Variants in MYH14 observed in about 807,000 individuals in gnomAD.
MYH14 encodes the protein myosin-14.
MYH14 carries 123 observed loss-of-function variants against 255.5 expected under a neutral mutation model. That is an observed-to-expected ratio of 0.48 (90% CI 0.42 to 0.56). The LOEUF (loss-of-function observed/expected upper bound fraction) is 0.56. Ranked by LOEUF, MYH14 falls within the 20% of genes least tolerant of loss-of-function variation. MYH14 has a pLI of 0.00. For missense variants in MYH14, 2,423 were observed against 2,802.3 expected, an observed-to-expected ratio of 0.86 and a Z score of 3.06; for synonymous variants, 1,095 against 1,161.2, an observed-to-expected ratio of 0.94 and a Z score of 1.16.
intron 40 of MYH14, among the ~76,000 whole-genome samples, chr19:50,303,539 T>C (rs184894905): frequency 3.7e-4 from 56 of 152,296 alleles, no homozygotes; most frequent in African/African-American, 1.3e-3. Context: ...AATGGGGAAA[T>C]AGATATGACT....
At chr19:50,275,841 G>A (rs2035483269) in intron 27 of MYH14, 150 bp from the exon 28 acceptor site, 11 of 637,834 alleles carry the variant, frequency 1.7e-5, no homozygotes, top group Non-Finnish European at 2.5e-5. Flanking sequence ...ACTTAAATTA[G>A]TACTGCAGCC....
intron 3 of MYH14, among the ~76,000 whole-genome samples, chr19:50,219,139 C>T (rs2032669955): frequency 6.9e-6 from 1 of 144,044 alleles, no homozygotes; most frequent in Non-Finnish European, 1.5e-5. Context: ...TGTATACACA[C>T]CATGGAATAC....
intron 11 of MYH14, 102 bp downstream of exon 11, chr19:50,244,439 C>G: frequency 1.2e-6 from 1 of 859,374 alleles, no homozygotes; most frequent in Non-Finnish European, 1.9e-6. Flanking sequence ...CCCCTTCCAG[C>G]CACACCTGTC....
Position 50,289,570 on chromosome 19 carries a change from T to C in MYH14, c.4887T>C (p.Ala1629=), listed in dbSNP as rs2035999166. The C allele has an allele frequency of 1.2e-6, 2 of 1,612,850 alleles. No individual in the cohort carries two copies. Among genetic ancestry groups the C allele is most frequent in the African/African-American group, 1.3e-5 (1 of 74,870 alleles). ...TGCGTCTGGAGGTGACTGTGCAGGC[T>C]CTCAAGACTCAGCATGAGCGTGACC... ...AKLRLEVTVQ[A]LKTQHERDLQ... The change falls in exon 35 of 43, where the codon GCT becomes GCC. Residue 1629 remains alanine (A), a synonymous_variant. Transcript: ENST00000642316.
chr19:50,259,225 G>T lies in MYH14; in HGVS notation c.2314G>T (p.Gly772Cys), dbSNP rs377673096. Reference protein sequence around the residue: ...VLEGIRICRQGFPNRILFQEF... With the variant: ...VLEGIRICRQCFPNRILFQEF... ...GGAGGGCATCCGCATCTGTCGCCAG[G>T]GCTTCCCCAACCGCATCCTCTTCCA... is the stretch of plus-strand genomic sequence containing the variant. Residue 772 changes from glycine (G) to cysteine (C), a missense_variant, in exon 19 of 43, where the codon GGC (glycine) becomes TGC (cysteine). By Grantham distance (159) the Gly-to-Cys change is radical. This residue lies in a region of MYH14 where 672 missense variants were observed against 881.8 expected (regional missense o/e 0.76). Transcript: ENST00000642316. 1 of 1,589,420 alleles carries T rather than the reference G, an allele frequency of 6.3e-7. No individual in the cohort carries two copies. The highest frequency in any genetic ancestry group is 8.6e-7 in the Non-Finnish European group (1 of 1,167,444).
chr19:50,289,889 C>CAAACCATCTTCCTCCCACA (rs2036014665), intron 35 of MYH14, among the ~76,000 whole-genome samples: 1 of 152,112 alleles, frequency 6.6e-6, no homozygotes. Context: ...TCGTGCCAGC[C>CAAACCATCTTCCTCCCACA]AAACCATCTT....
intron 23 of MYH14, 113 bp downstream of exon 23, chr19:50,267,121 C>T (rs950459393): frequency 5.5e-6 from 6 of 1,083,564 alleles, no homozygotes; most frequent in Non-Finnish European, 7.9e-6. Context: ...TGTGCCCAGG[C>T]AGGGCTGTCG....
rs567859860 is a variant in MYH14 at position 50,275,665 on chromosome 19, G to A, written c.3468-326G>A. Among the ~76,000 whole-genome samples the A allele has an allele frequency of 1.5e-4, 23 of 152,180 alleles. No individual in the cohort carries two copies. The East Asian group carries it at 4.4e-3, about 29-fold the overall frequency. The stretch of plus-strand genomic sequence containing the variant: ...CAACATAGGCAGACCTTGTCTCTTT[G>A]GGGAAAAAAGATTAGCCAGGCATAG... On this transcript the variant is annotated intron_variant, in intron 27 of 42. Transcript: ENST00000642316.
rs1367494690 is a variant in MYH14, at chr19:50,251,561, C to G, written c.1830+873C>G. ...ACACACACACACACACACACACACA[C>G]ACACACACATATATATATGTATTTT... is the stretch of plus-strand genomic sequence containing the variant. On this transcript the variant is annotated intron_variant, in intron 15 of 42. Coordinates refer to ENST00000642316, the MANE Select transcript of MYH14 (RefSeq NM_001145809.2). Among the ~76,000 whole-genome samples, 24 of 100,882 alleles carry G rather than the reference C, an allele frequency of 2.4e-4. No individual in the cohort carries two copies. The South Asian group carries it at 7.4e-3, about 31-fold the overall frequency. The allele number at this position is 100,882 out of a possible 152,430, so 66.2% of individuals were successfully genotyped here.
chr19:50,223,305 C>T lies in MYH14; in HGVS notation c.649C>T (p.His217Tyr). Residue 217 changes from histidine (H) to tyrosine (Y), a missense_variant, in exon 5 of 43, where the codon CAC (histidine) becomes TAC (tyrosine). Physicochemically the swap from His to Tyr is moderately conservative, Grantham distance 83. Around this residue, in one of 3 missense-constraint regions of MYH14, gnomAD observed 672 missense variants for 881.8 expected, o/e 0.76. Coordinates refer to ENST00000642316, the MANE Select transcript of MYH14 (RefSeq NM_001145809.2). ...NTKKVIQYLA[H>Y]VASSPKGRKE... is the part of the protein sequence containing the mutation. The stretch of plus-strand genomic sequence containing the variant: ...CAAGAAGGTCATCCAGTACCTCGCC[C>T]ACGTGGCGTCGTCTCCAAAGGGCAG... The T allele has an allele frequency of 2.5e-6, 4 of 1,600,006 alleles. No individual in the cohort carries two copies. The highest frequency in any genetic ancestry group is 3.4e-6 in the Non-Finnish European group (4 of 1,173,292).
In MYH14 at chr19:50,244,585, A is replaced by G. The variant is rs598621; in HGVS notation, c.1210+248A>G. ...TGCAAGCTCCGCCTCCCGGGTTCAC[A>G]CCATTCTCCTGCCTCAGCCTCCTGA... On this transcript the variant is annotated intron_variant, in intron 11 of 42. Coordinates refer to ENST00000642316, the MANE Select transcript of MYH14 (RefSeq NM_001145809.2). 0.8 allele frequency among the ~76,000 whole-genome samples: 119,388 copies of G among 150,040 alleles called. 47,746 individuals are homozygous for G. Among genetic ancestry groups the G allele is most frequent in the Admixed American group, 0.85 (12,716 of 15,038 alleles).
rs1246870851 is a variant in MYH14, at chr19:50,230,552, G to A, written c.902G>A (p.Arg301His). ...CTGCTGGAGAAGTCGCGGGCCATCC[G>A]CCAGGCCAAGGACGAGTGCAGCTTC... ...TYLLEKSRAIRQAKDECSFHI... is the reference protein window; with the variant it reads ...TYLLEKSRAIHQAKDECSFHI... The change falls in exon 9 of 43, where the codon CGC becomes CAC. Residue 301 changes from arginine to histidine, a missense_variant. Physicochemically the swap from Arg to His is conservative, Grantham distance 29. Transcript: ENST00000642316. This position sits in a 1 kb window ranked among gnomAD's most constrained non-coding sequence, Gnocchi z 4.7. 2 of 1,568,540 alleles carry A rather than the reference G, an allele frequency of 1.3e-6. No individual in the cohort carries two copies. The highest frequency in any genetic ancestry group is 1.7e-6 in the Non-Finnish European group (2 of 1,157,284).
intron 2 of MYH14, 86 bp from the exon 3 acceptor site, chr19:50,217,529 C>T (rs546150088): frequency 2.1e-6 from 3 of 1,451,878 alleles, no homozygotes; most frequent in African/African-American, 1.4e-5. Context: ...TGCCCTTGTG[C>T]AGTGCACGGC....
At chr19:50,258,427 G>GA (rs1232215641) in intron 18 of MYH14, 2 of 151,932 alleles carry the variant, frequency 1.3e-5, no homozygotes, top group Non-Finnish European at 1.5e-5. Context: ...CATTACTGTT[G>GA]AAAAGAGAAA....
In MYH14 at chr19:50,252,915, G is replaced by T. The variant is rs1372466908; in HGVS notation, c.1945+162G>T. Among the ~76,000 whole-genome samples, 30 of 152,210 alleles carry T rather than the reference G, an allele frequency of 2.0e-4. No homozygotes were observed. The highest frequency in any genetic ancestry group is 1.8e-3 in the Admixed American group (28 of 15,270). On this transcript the variant is annotated intron_variant, in intron 16 of 42. Transcript: ENST00000642316. The surrounding 1 kb of genome is among the most constrained non-coding windows in gnomAD (Gnocchi z 4.2). ...CAAATAGTATTTCAAATCAGTGATG[G>T]ATGGATCCATAGATTAATTGATTGA...
intron 40 of MYH14, among the ~76,000 whole-genome samples, chr19:50,303,648 G>T (rs1231991458): frequency 6.6e-6 from 1 of 152,200 alleles, no homozygotes; most frequent in African/African-American, 2.4e-5. Context: ...GCACAAAGAG[G>T]AATGTCTTTT....
In MYH14 at chr19:50,276,964, T is replaced by G; in HGVS notation, c.3825+63T>G. The G allele has an allele frequency of 1.5e-6, 2 of 1,352,082 alleles. No homozygotes were observed. The highest frequency in any genetic ancestry group is 2.0e-6 in the Non-Finnish European group (2 of 978,268). 83.8% of individuals were successfully genotyped at this position (1,352,082 alleles called of 1,614,324 possible). A position where few individuals can be genotyped will look rare whatever the true frequency, so the allele number is the denominator to read the frequency against. ...GGGAGGGCAGGGCAGGACGCGGGGT[T>G]GGAGGAGGTACCGCTGGCTGGTTCT... On this transcript the variant is annotated intron_variant, in intron 29 of 42. Coordinates refer to ENST00000642316, the MANE Select transcript of MYH14 (RefSeq NM_001145809.2). This position sits in a 1 kb window ranked among gnomAD's most constrained non-coding sequence, Gnocchi z 4.3.
intron 18 of MYH14, 89 bp downstream of exon 18, chr19:50,257,575 G>A (rs745858434): frequency 4.6e-6 from 6 of 1,294,212 alleles, no homozygotes; most frequent in African/African-American, 1.5e-5. Context: ...CATCTGATTC[G>A]AGGACCCTCA....
chr19:50,260,114 A>T (rs2034766629), intron 19 of MYH14, among the ~76,000 whole-genome samples: 1 of 152,176 alleles, frequency 6.6e-6, no homozygotes, highest in Admixed American at 6.5e-5. Flanking sequence ...ATTTTACTAA[A>T]GCCAATACAT....
Sources: allele counts gnomAD v4.1 joint callset (sites outside exome capture counted in the v4.1 genomes callset), GRCh38; gene constraint gnomAD v4.1.1; regional missense constraint gnomAD v4.1.1; non-coding constraint Gnocchi (gnomAD v3.1); transcripts MANE v1.5; gene names NCBI Gene and HGNC (gene_info 2026-07-23, HGNC 2026-07-21).